FANCC: variants seen among roughly 807,000 people sequenced by gnomAD.
FANCC encodes the protein Fanconi anemia group C protein.
Under a neutral mutation model 71.3 loss-of-function variants are expected in FANCC, and 55 were observed. The ratio of observed to expected loss-of-function variants is 0.77; its 90% confidence interval spans 0.62 to 0.97. The LOEUF is 0.97. Ranked by LOEUF, FANCC falls within the 50% of genes least tolerant of loss-of-function variation. FANCC has a pLI of 0.00. For synonymous variants in FANCC, 275 were observed against 244.9 expected (o/e 1.12, Z -1.15); for missense variants, 678 against 670.9 (o/e 1.01, Z -0.12).
At chr9:95,246,094 G>C (rs1177112118) in intron 3 of FANCC, among the ~76,000 whole-genome samples, 3 of 152,156 alleles carry the variant, frequency 2.0e-5, no homozygotes, top group African/African-American at 7.2e-5. Flanking sequence ...TCTGGTCAAA[G>C]ATGTCTGAGA....
intron 6 of FANCC, among the ~76,000 whole-genome samples, chr9:95,163,176 A>G (rs1413905811): frequency 1.3e-5 from 2 of 152,214 alleles, no homozygotes; most frequent in African/African-American, 2.4e-5. Flanking sequence ...CCCAACACCA[A>G]TTATTGAAGA....
intron 1 of FANCC, among the ~76,000 whole-genome samples, chr9:95,295,357 A>C (rs543011791): frequency 2.6e-5 from 4 of 152,246 alleles, no homozygotes; most frequent in African/African-American, 9.6e-5. Context: ...AAACAAAACA[A>C]AAAACAAAAC....
chr9:95,217,931 T>G (rs1001850923), intron 4 of FANCC, among the ~76,000 whole-genome samples: 10 of 152,122 alleles, frequency 6.6e-5, no homozygotes, highest in Non-Finnish European at 1.3e-4. Context: ...TCATTACATA[T>G]CCTACAGATA....
chr9:95,226,002 A>G (rs1021700553), intron 4 of FANCC, among the ~76,000 whole-genome samples: 8 of 152,238 alleles, frequency 5.3e-5, no homozygotes, highest in Non-Finnish European at 1.5e-5. Flanking sequence ...GACTTGAAAT[A>G]CTGAAAATGG....
Position 95,135,329 on chromosome 9 carries a change from C to T in FANCC, c.843+17G>A. ...CTCCTTCAAGGATTTTTCCCTTCAT[C>T]AAAACCCAGTACGTACCAGCGATGA... On this transcript the variant is annotated intron_variant, in intron 8 of 14. Coordinates refer to ENST00000289081, the MANE Select transcript of FANCC (RefSeq NM_000136.3). The T allele has an allele frequency of 6.2e-7, 1 of 1,613,110 alleles. No homozygotes were observed. Among genetic ancestry groups the T allele is most frequent in the Non-Finnish European group, 8.5e-7 (1 of 1,179,364 alleles).
At chr9:95,226,472 G>A (rs1829624858) in intron 4 of FANCC, among the ~76,000 whole-genome samples, 1 of 152,116 alleles carries the variant, frequency 6.6e-6, no homozygotes, top group Admixed American at 6.5e-5. Context: ...AGCTGCCCAG[G>A]AACACGGCAG....
At chr9:95,152,780 C>A (rs914634121) in intron 6 of FANCC, among the ~76,000 whole-genome samples, 5 of 151,502 alleles carry the variant, frequency 3.3e-5, no homozygotes, top group African/African-American at 1.2e-4. Context: ...TCACTACCCC[C>A]CATCCCACTC....
At chr9:95,264,077 A>C (rs1221045915) in intron 1 of FANCC, among the ~76,000 whole-genome samples, 2 of 152,264 alleles carry the variant, frequency 1.3e-5, no homozygotes, top group East Asian at 3.8e-4. Context: ...GAAGAATCAC[A>C]GCCCCGTGTC....
At chr9:95,212,560 A>G (rs534392866) in intron 4 of FANCC, among the ~76,000 whole-genome samples, 1 of 152,294 alleles carries the variant, frequency 6.6e-6, no homozygotes, top group South Asian at 2.1e-4. Context: ...AGCTGAGAAA[A>G]TTTGTCAGCA....
At chr9:95,125,583 ATG>A (rs1391824734) in intron 9 of FANCC, among the ~76,000 whole-genome samples, 1 of 152,222 alleles carries the variant, frequency 6.6e-6, no homozygotes, top group Admixed American at 6.5e-5. Flanking sequence ...TAGGAAAATA[ATG>A]TGTGTGTACC....
chr9:95,155,452 A>G (rs1382329957), intron 6 of FANCC, among the ~76,000 whole-genome samples: 1 of 152,128 alleles, frequency 6.6e-6, no homozygotes, highest in Non-Finnish European at 1.5e-5. Context: ...GTAGCTCATT[A>G]AAAACTAATC....
intron 1 of FANCC, among the ~76,000 whole-genome samples, chr9:95,306,018 C>T (rs1416498088): frequency 6.6e-6 from 1 of 152,172 alleles, no homozygotes; most frequent in Non-Finnish European, 1.5e-5. Flanking sequence ...GTCTTTACAG[C>T]ATGGCACTCC....
chr9:95,110,161 AT>A (rs948138375), intron 13 of FANCC: 12 of 807,612 alleles, frequency 1.5e-5, no homozygotes, highest in Non-Finnish European at 1.8e-5. Context: ...CAAGGGTTTT[AT>A]TTTTTCATAA....
In FANCC at chr9:95,099,544, G is replaced by A. The variant is rs941443831; in HGVS notation, c.*2163C>T. 2.2e-5 allele frequency: 5 copies of A among 230,332 alleles called. No homozygotes were observed. The highest frequency in any genetic ancestry group is 4.3e-5 in the Non-Finnish European group (5 of 116,474). The allele number at this position is 230,332 out of a possible 1,614,324, so 14.3% of individuals were successfully genotyped here. A position where few individuals can be genotyped will look rare whatever the true frequency, so the allele number is the denominator to read the frequency against. On this transcript the variant is annotated 3_prime_UTR_variant, in exon 15 of 15. Transcript: ENST00000289081. ...GAGGTGGGCTTAAGAGTGCCTGCCC[G>A]GCCGCCACCTGTCTTGGAGGTGGAG...
chr9:95,294,839 G>A lies in FANCC; in HGVS notation c.-79+22687C>T, dbSNP rs189129464. ...TAACAGTGGAGTCCATGTGTGAGAC[G>A]GCATCTACCATTTCCTCTGGATTAA... On this transcript the variant is annotated intron_variant, in intron 1 of 14. Coordinates refer to ENST00000289081, the MANE Select transcript of FANCC (RefSeq NM_000136.3). 3.1e-4 allele frequency: 472 copies of A among 1,500,214 alleles called. No homozygotes were observed. The East Asian group carries it at 4.0e-3, about 13-fold the overall frequency. 92.9% of individuals were successfully genotyped at this position (1,500,214 alleles called of 1,614,324 possible). A position where few individuals can be genotyped will look rare whatever the true frequency, so the allele number is the denominator to read the frequency against.
chr9:95,170,646 G>GTGTGTGTGTT (rs1825609131), intron 6 of FANCC, among the ~76,000 whole-genome samples: 1 of 146,452 alleles, frequency 6.8e-6, no homozygotes, highest in Admixed American at 6.8e-5. Flanking sequence ...TCGTGTGTGT[G>GTGTGTGTGTT]TGTGTGTGTG....
At position 95,099,403 on chromosome 9, in the gene FANCC, G is replaced by A. The variant is rs962388189; in HGVS notation, c.*2304C>T. 8 of 226,812 alleles carry A rather than the reference G, an allele frequency of 3.5e-5. No individual in the cohort carries two copies. Among genetic ancestry groups the A allele is most frequent in the African/African-American group, 1.1e-4 (5 of 44,328 alleles). 14.0% of individuals were successfully genotyped at this position (226,812 alleles called of 1,614,324 possible). A position where few individuals can be genotyped will look rare whatever the true frequency, so the allele number is the denominator to read the frequency against. On this transcript the variant is annotated 3_prime_UTR_variant, in exon 15 of 15. Transcript: ENST00000289081. ...GCGGCTGCCCCTGTGCCCAGGCCCC[G>A]CCAACGCCGTCAAGGCCCCCTCGGC...
At position 95,107,257 on chromosome 9, in the gene FANCC, C is replaced by T; in HGVS notation, c.1342G>A (p.Ala448Thr). 6.2e-7 allele frequency: 1 copy of T among 1,613,862 alleles called. No individual in the cohort carries two copies. Reference sequence around the variant, plus strand: ...ATTGCCAGGAGGTGGCCCAGCACGGCCTTCACCTGGACCTGGGCAATAGTA... The same window carrying T: ...ATTGCCAGGAGGTGGCCCAGCACGGTCTTCACCTGGACCTGGGCAATAGTA... ...QRAQTMVQVKAVLGHLLAMSR... is the reference protein window; with the variant it reads ...QRAQTMVQVKTVLGHLLAMSR... The change falls in exon 14 of 15, where the codon GCC (alanine) becomes ACC (threonine). Residue 448 changes from alanine (A) to threonine (T), a missense_variant. Coordinates refer to ENST00000289081, the MANE Select transcript of FANCC (RefSeq NM_000136.3).
At chr9:95,164,976 T>C (rs985873396) in intron 6 of FANCC, among the ~76,000 whole-genome samples, 2 of 152,168 alleles carry the variant, frequency 1.3e-5, no homozygotes, top group Admixed American at 1.3e-4. Flanking sequence ...GTTGTAGGTC[T>C]GTTCAGATGT....
Sources: gnomAD v4.1 joint callset for allele counts (sites outside exome capture counted in the v4.1 genomes callset) on GRCh38, gnomAD v4.1.1 for gene constraint, MANE v1.5 for transcripts, NCBI Gene and HGNC (gene_info 2026-07-23, HGNC 2026-07-21) for gene names.